The following YES1 variants were observed in gnomAD, a reference collection of about 807,000 sequenced individuals.
YES1 encodes YES proto-oncogene 1, Src family tyrosine kinase, also known as tyrosine-protein kinase Yes.
In YES1, 39 loss-of-function variants were observed where a neutral mutation model predicts 70.4. The ratio of observed to expected loss-of-function variants is 0.55; its 90% CI spans 0.43 to 0.72. The LOEUF is 0.72. Ranked by LOEUF, YES1 falls within the 30% of genes least tolerant of loss-of-function variation. The pLI is 0.00. For synonymous variants in YES1, 198 were observed against 218.6 expected (o/e 0.91, Z 0.83); for missense variants, 495 against 644.8 (o/e 0.77, Z 2.52).
Position 723,483 on chromosome 18 carries a change from G to A in YES1, c.*941C>T, listed in dbSNP as rs2079983425. The A allele has an allele frequency of 6.6e-6, 1 of 152,492 alleles. No individual in the cohort carries two copies. Among genetic ancestry groups the A allele is most frequent in the South Asian group, 2.1e-4 (1 of 4,830 alleles). 9.4% of individuals were successfully genotyped at this position (152,492 alleles called of 1,614,324 possible). On this transcript the variant is annotated 3_prime_UTR_variant, in exon 12 of 12. Transcript: ENST00000314574. ...AAAAGTGCATTCAAGTCCCTGATCTGGTCATATTTTCTATTTGTGGCACCC... is the reference window on the plus strand; with the variant it reads ...AAAAGTGCATTCAAGTCCCTGATCTAGTCATATTTTCTATTTGTGGCACCC...
chr18:760,418 C>G (rs904575762), intron 1 of YES1, among the ~76,000 whole-genome samples: 1 of 152,034 alleles, frequency 6.6e-6, no homozygotes, highest in Non-Finnish European at 1.5e-5. Context: ...TGCAGTAAGT[C>G]AAGATTATGC....
chr18:747,057 C>T (rs558658177), intron 4 of YES1, among the ~76,000 whole-genome samples: 57 of 152,270 alleles, frequency 3.7e-4, no homozygotes, highest in African/African-American at 1.3e-3. Flanking sequence ...TAAATGAAGA[C>T]ATTAACAGTC....
intron 6 of YES1, among the ~76,000 whole-genome samples, chr18:744,823 A>G (rs1225118229): frequency 6.6e-6 from 1 of 151,304 alleles, no homozygotes; most frequent in African/African-American, 2.4e-5. Flanking sequence ...CATGCCTAAC[A>G]GGAGACTGAT....
intron 1 of YES1, among the ~76,000 whole-genome samples, chr18:761,402 T>G (rs1904587780): frequency 6.6e-6 from 1 of 152,126 alleles, no homozygotes; most frequent in African/African-American, 2.4e-5. Flanking sequence ...GAGGAAAAAT[T>G]ATGGGGGAAA....
chr18:726,356 T>C (rs949103295), intron 11 of YES1, among the ~76,000 whole-genome samples: 32 of 143,708 alleles, frequency 2.2e-4, no homozygotes, highest in Middle Eastern at 4.5e-3. Flanking sequence ...ACCTGGGAGG[T>C]GGAGGTTGCA....
chr18:767,431 A>G (rs1295287925), intron 1 of YES1, among the ~76,000 whole-genome samples: 1 of 152,102 alleles, frequency 6.6e-6, no homozygotes, highest in Non-Finnish European at 1.5e-5. Context: ...GATTACAGAC[A>G]TAAGCCACAA....
At chr18:790,698 T>C (rs7230318) in intron 1 of YES1, among the ~76,000 whole-genome samples, 2 of 152,070 alleles carry the variant, frequency 1.3e-5, no homozygotes, top group Non-Finnish European at 2.9e-5. Flanking sequence ...ACTAGGCAAA[T>C]AAAAATTAAT....
intron 1 of YES1, among the ~76,000 whole-genome samples, chr18:806,804 C>T (rs914355939): frequency 1.3e-5 from 2 of 152,214 alleles, no homozygotes; most frequent in African/African-American, 2.4e-5. Flanking sequence ...TGTTCAAATG[C>T]ATGGTCTAAC....
At chr18:808,097 C>A (rs1907190204) in intron 1 of YES1, among the ~76,000 whole-genome samples, 1 of 152,186 alleles carries the variant, frequency 6.6e-6, no homozygotes, top group Admixed American at 6.5e-5. Context: ...GATTCTCTGT[C>A]TTTCCTGGAG....
chr18:746,052 C>CTGGAAAAAAA lies in YES1; in HGVS notation c.471-11_471-2dup, dbSNP rs2080277831. The CTGGAAAAAAA allele has an allele frequency of 6.2e-7, 1 of 1,607,396 alleles. No individual in the cohort carries two copies. Among genetic ancestry groups the CTGGAAAAAAA allele is most frequent in the Admixed American group, 1.7e-5 (1 of 59,338 alleles). ...TCTCCCCATTTTGCCAAAATACCATCTGGAAAAAAATTAAGTGTTTTGAAT... is the reference window on the plus strand; with the variant it reads ...TCTCCCCATTTTGCCAAAATACCATCTGGAAAAAAATGGAAAAAAATTAAGTGTTTTGAAT... On this transcript the variant is annotated splice_acceptor_variant, in intron 4 of 11. Transcript: ENST00000314574. LOFTEE classifies it high-confidence loss of function.
chr18:809,342 C>T (rs1263565313), intron 1 of YES1, among the ~76,000 whole-genome samples: 1 of 152,074 alleles, frequency 6.6e-6, no homozygotes, highest in African/African-American at 2.4e-5. Flanking sequence ...CTCTGTTGCC[C>T]AGGCTGCAAT....
chr18:801,115 C>T (rs1327017416), intron 1 of YES1, among the ~76,000 whole-genome samples: 1 of 152,012 alleles, frequency 6.6e-6, no homozygotes, highest in East Asian at 1.9e-4. Flanking sequence ...CACAGCACTC[C>T]AGCCTGGGCA....
At position 791,997 on chromosome 18, in the gene YES1, C is replaced by A. The variant is rs528018709; in HGVS notation, c.-9+20117G>T. 2.6e-4 allele frequency among the ~76,000 whole-genome samples: 40 copies of A among 152,238 alleles called. No individual in the cohort carries two copies. In the East Asian group the frequency reaches 7.3e-3, roughly 28 times the overall value. On this transcript the variant is annotated intron_variant, in intron 1 of 11. Coordinates refer to ENST00000314574, the MANE Select transcript of YES1 (RefSeq NM_005433.4). ...TACAGTACATCTCAATTTGGACTAGCCACATTTCAAGTGCTCATCTATTAT... is the reference window on the plus strand; with the variant it reads ...TACAGTACATCTCAATTTGGACTAGACACATTTCAAGTGCTCATCTATTAT...
At chr18:811,513 G>A (rs915254920) in intron 1 of YES1, among the ~76,000 whole-genome samples, 5 of 152,226 alleles carry the variant, frequency 3.3e-5, no homozygotes, top group Non-Finnish European at 5.9e-5. Flanking sequence ...AACGCAACGG[G>A]AGGCGGAGTG....
intron 2 of YES1, among the ~76,000 whole-genome samples, chr18:755,251 CTT>C (rs780424527): frequency 1.3e-4 from 19 of 141,644 alleles, no homozygotes; most frequent in Admixed American, 1.4e-4. Context: ...TGGCCATTGC[CTT>C]TTTTTTTTTT....
chr18:775,820 A>T (rs1905352655), intron 1 of YES1, among the ~76,000 whole-genome samples: 1 of 151,960 alleles, frequency 6.6e-6, no homozygotes, highest in Admixed American at 6.6e-5. Flanking sequence ...AAAAAAATAG[A>T]ATCATATATA....
At chr18:783,208 C>A (rs972476524) in intron 1 of YES1, among the ~76,000 whole-genome samples, 1 of 152,064 alleles carries the variant, frequency 6.6e-6, no homozygotes, top group Non-Finnish European at 1.5e-5. Flanking sequence ...AATAGCTAGA[C>A]CCCATCTCTT....
At position 786,541 on chromosome 18, in the gene YES1, T is replaced by C. The variant is rs1317036966; in HGVS notation, c.-9+25573A>G. On this transcript the variant is annotated intron_variant, in intron 1 of 11. Coordinates refer to ENST00000314574, the MANE Select transcript of YES1 (RefSeq NM_005433.4). ...CACACACACACACACACACACAGAGTTGCTCCTCATTATTTTGAATTCCAT... is the reference window on the plus strand; with the variant it reads ...CACACACACACACACACACACAGAGCTGCTCCTCATTATTTTGAATTCCAT... 3.1e-5 allele frequency among the ~76,000 whole-genome samples: 3 copies of C among 96,918 alleles called. 1 individual carries two copies. The highest frequency in any genetic ancestry group is 8.0e-4 in the South Asian group (2 of 2,504). 63.6% of individuals were successfully genotyped at this position (96,918 alleles called of 152,430 possible).
Position 731,966 on chromosome 18 carries a change from C to CAAAAAAAAAAAAA in YES1, c.1423+855_1423+867dup, listed in dbSNP as rs1165333694. On this transcript the variant is annotated intron_variant, in intron 11 of 11. Coordinates refer to ENST00000314574, the MANE Select transcript of YES1 (RefSeq NM_005433.4). The stretch of plus-strand genomic sequence containing the variant: ...TGGGCGACAGAGCGAGACTCCATTT[C>CAAAAAAAAAAAAA]AAAAAAAAAAAAAAAAAAAAAGTCT... 2.3e-3 allele frequency among the ~76,000 whole-genome samples: 182 copies of CAAAAAAAAAAAAA among 79,960 alleles called. 5 individuals are homozygous for CAAAAAAAAAAAAA. Among genetic ancestry groups the CAAAAAAAAAAAAA allele is most frequent in the African/African-American group, 8.7e-3 (174 of 20,072 alleles). The allele number at this position is 79,960 out of a possible 152,430, so 52.5% of individuals were successfully genotyped here. A position where few individuals can be genotyped will look rare whatever the true frequency, so the allele number is the denominator to read the frequency against.
Sources: allele counts gnomAD v4.1 joint callset (sites outside exome capture counted in the v4.1 genomes callset), GRCh38; gene constraint gnomAD v4.1.1; transcripts MANE v1.5; gene names NCBI Gene and HGNC (gene_info 2026-07-23, HGNC 2026-07-21).